The following WDPCP variants were observed in gnomAD, a reference collection of about 807,000 sequenced individuals.
WDPCP encodes WD repeat-containing and planar cell polarity effector protein fritz homolog.
In WDPCP, 71 loss-of-function variants were observed where a neutral mutation model predicts 93.1. The ratio of observed to expected loss-of-function variants is 0.76; its 90% CI spans 0.63 to 0.93. The LOEUF (loss-of-function observed/expected upper bound fraction) is 0.93, where lower values mean the gene tolerates loss of function less well. Among genes scored for constraint, WDPCP ranks in the 40% least tolerant of loss-of-function variants. The pLI is 0.00. For synonymous variants in WDPCP, 315 were observed against 315.0 expected (o/e 1.00, Z 0.00); for missense variants, 844 against 887.4 (o/e 0.95, Z 0.62).
At chr2:63,230,653 A>G (rs1272938408) in intron 14 of WDPCP, among the ~76,000 whole-genome samples, 8 of 152,056 alleles carry the variant, frequency 5.3e-5, no homozygotes, top group Non-Finnish European at 1.5e-5. Context: ...ATGGTATCTC[A>G]TTGTGGTTTT....
chr2:63,387,368 G>GA (rs942944823), intron 10 of WDPCP, among the ~76,000 whole-genome samples: 1 of 151,364 alleles, frequency 6.6e-6, no homozygotes, highest in African/African-American at 2.4e-5. Context: ...TAAACAGAAT[G>GA]AAAAACAAAA....
intron 2 of WDPCP, among the ~76,000 whole-genome samples, chr2:63,662,284 C>T (rs1710235001): frequency 6.6e-6 from 1 of 152,128 alleles, no homozygotes. Flanking sequence ...GTTTCCTCAT[C>T]TGTAAATGGT....
intron 14 of WDPCP, among the ~76,000 whole-genome samples, chr2:63,222,232 C>T (rs1361262824): frequency 6.6e-6 from 1 of 152,158 alleles, no homozygotes; most frequent in Admixed American, 6.6e-5. Context: ...AAGAACATCA[C>T]CAGTTAGTTT....
intron 14 of WDPCP, among the ~76,000 whole-genome samples, chr2:63,189,970 T>C (rs1674916942): frequency 6.6e-6 from 1 of 152,202 alleles, no homozygotes; most frequent in Non-Finnish European, 1.5e-5. Context: ...CATTGTTCAT[T>C]CTTAAAAGCA....
At chr2:63,208,910 T>A (rs1255050811) in intron 14 of WDPCP, among the ~76,000 whole-genome samples, 2 of 152,212 alleles carry the variant, frequency 1.3e-5, no homozygotes, top group African/African-American at 2.4e-5. Flanking sequence ...ACACCTGCAT[T>A]ATTATTTCAT....
In WDPCP at chr2:63,426,346, A is replaced by C. The variant is rs763464327; in HGVS notation, c.825+7399T>G. Reference sequence around the variant, plus strand: ...GACAGAGTGAGACTCTGTCTCAAAAAAAAACAAAACAAAACAAATGGCAGA... The same window carrying C: ...GACAGAGTGAGACTCTGTCTCAAAACAAAACAAAACAAAACAAATGGCAGA... On this transcript the variant is annotated intron_variant, in intron 9 of 17. Transcript: ENST00000272321. Among the ~76,000 whole-genome samples the C allele has an allele frequency of 5.3e-4, 80 of 152,178 alleles. 1 individual carries two copies. Among genetic ancestry groups the C allele is most frequent in the East Asian group, 5.8e-4 (3 of 5,194 alleles).
At chr2:63,411,379 G>C (rs1695010853) in intron 9 of WDPCP, among the ~76,000 whole-genome samples, 1 of 152,206 alleles carries the variant, frequency 6.6e-6, no homozygotes, top group East Asian at 1.9e-4. Flanking sequence ...ATACAGCAAA[G>C]GTGGTGCTAA....
At chr2:63,515,154 TA>T (rs1302869030) in intron 1 of WDPCP, among the ~76,000 whole-genome samples, 3 of 152,304 alleles carry the variant, frequency 2.0e-5, no homozygotes, top group African/African-American at 7.2e-5. Flanking sequence ...AATATTTTAA[TA>T]TATTTATAAA....
At chr2:63,249,466 G>A (rs561789563) in intron 14 of WDPCP, among the ~76,000 whole-genome samples, 13 of 142,592 alleles carry the variant, frequency 9.1e-5, no homozygotes, top group Middle Eastern at 3.7e-3. Flanking sequence ...CTGTAGCATA[G>A]ATAATCCCTA....
rs182131057 is a variant in WDPCP at position 63,660,082 on chromosome 2, C to T, written n.309-9244G>A. Among the ~76,000 whole-genome samples, 20 of 152,210 alleles carry T rather than the reference C, an allele frequency of 1.3e-4. No individual in the cohort carries two copies. In the East Asian group the frequency reaches 3.7e-3, roughly 28 times the overall value. On this transcript the variant is annotated intron_variant and non_coding_transcript_variant, in intron 2 of 4. Transcript: ENST00000467687. ...TTTCACAAAACCAAGAGTTCTGATT[C>T]CCAAAGGTAAATGTAGCCTTTTATC...
chr2:63,367,732 C>T (rs1691027669), intron 12 of WDPCP, among the ~76,000 whole-genome samples: 1 of 152,118 alleles, frequency 6.6e-6, no homozygotes, highest in Non-Finnish European at 1.5e-5. Context: ...TTAGAAAAAA[C>T]ATAAGTGTTC....
intron 12 of WDPCP, among the ~76,000 whole-genome samples, chr2:63,349,295 A>C (rs1558502970): frequency 1.3e-5 from 2 of 152,138 alleles, no homozygotes; most frequent in Non-Finnish European, 2.9e-5. Context: ...TTCAAAAATA[A>C]AATAATTCAG....
At chr2:63,354,188 A>C (rs1485767244) in intron 12 of WDPCP, among the ~76,000 whole-genome samples, 1 of 152,136 alleles carries the variant, frequency 6.6e-6, no homozygotes, top group Admixed American at 6.6e-5. Context: ...CACATCCCCA[A>C]GTGCTTGTCA....
chr2:63,540,202 G>T (rs1259827323), intron 1 of WDPCP, among the ~76,000 whole-genome samples: 1 of 151,920 alleles, frequency 6.6e-6, no homozygotes. Context: ...ATATTTATTT[G>T]GCCTCAATAT....
chr2:63,185,860 T>C (rs1232997973), intron 14 of WDPCP, among the ~76,000 whole-genome samples: 1 of 152,154 alleles, frequency 6.6e-6, no homozygotes, highest in Non-Finnish European at 1.5e-5. Flanking sequence ...AGAGAGTGTG[T>C]GAAGCTGGGC....
intron 2 of WDPCP, among the ~76,000 whole-genome samples, chr2:63,794,262 C>G (rs1365437668): frequency 6.6e-6 from 1 of 152,146 alleles, no homozygotes; most frequent in Non-Finnish European, 1.5e-5. Flanking sequence ...CCACAATGTA[C>G]AGTAGCCATA....
At chr2:63,838,535 C>A in the WDPCP span, among the ~76,000 whole-genome samples, 1 of 152,150 alleles carries the variant, frequency 6.6e-6, no homozygotes, top group Non-Finnish European at 1.5e-5. Context: ...TAACCCTGTA[C>A]ACACTCTTAT....
chr2:63,174,188 TTTTG>T (rs535855970), intron 15 of WDPCP, among the ~76,000 whole-genome samples: 195 of 152,262 alleles, frequency 1.3e-3, no homozygotes, highest in Non-Finnish European at 2.4e-3. Flanking sequence ...ACATTATTAC[TTTTG>T]TTTGTTTTTT....
At chr2:63,275,012 A>G (rs1400760091) in intron 13 of WDPCP, among the ~76,000 whole-genome samples, 1 of 152,066 alleles carries the variant, frequency 6.6e-6, no homozygotes, top group African/African-American at 2.4e-5. Flanking sequence ...CTATAGGCCA[A>G]AAACCTACGG....
Sources: allele counts gnomAD v4.1 joint callset (sites outside exome capture counted in the v4.1 genomes callset), GRCh38; gene constraint gnomAD v4.1.1; transcripts MANE v1.5; gene names NCBI Gene and HGNC (gene_info 2026-07-23, HGNC 2026-07-21).